MUC7: variants seen among roughly 807,000 people sequenced by gnomAD.
The protein encoded by MUC7 is mucin-7.
A neutral mutation model predicts 2.5 loss-of-function variants in MUC7; 2 were observed. The observed-to-expected ratio is 0.81, with a 90% CI of 0.33 to 2.55. MUC7 has a LOEUF of 2.55. MUC7 is among the 30% of genes most tolerant of loss of function. The pLI is 0.11. For missense variants in MUC7, 408 were observed against 455.6 expected (o/e 0.90, Z 0.95); for synonymous variants, 133 against 173.4 (o/e 0.77, Z 1.83).
intron 2 of MUC7, among the ~76,000 whole-genome samples, chr4:70,479,464 C>T (rs1432852222): frequency 5.9e-5 from 9 of 152,142 alleles, no homozygotes. Flanking sequence ...TTATAACTTG[C>T]GACTGGAATG....
Position 70,461,939 on chromosome 4 carries a change from T to C in MUC7, c.-92-10276T>C, listed in dbSNP as rs187883423. 1.1e-3 allele frequency among the ~76,000 whole-genome samples: 170 copies of C among 152,278 alleles called. 3 individuals are homozygous for C. The highest frequency in any genetic ancestry group is 3.7e-3 in the African/African-American group (152 of 41,568). ...AAAGGTTGACAAGCTGGGCCGACCATAGTGGCCCATGCCAGTAACACCAGC... is the reference window on the plus strand; with the variant it reads ...AAAGGTTGACAAGCTGGGCCGACCACAGTGGCCCATGCCAGTAACACCAGC... On this transcript the variant is annotated intron_variant, in intron 1 of 3. Coordinates refer to the MUC7 transcript ENST00000413702.
chr4:70,443,407 A>G (rs751418970), intron 1 of MUC7, among the ~76,000 whole-genome samples: 2 of 151,886 alleles, frequency 1.3e-5, no homozygotes, highest in Non-Finnish European at 2.9e-5. Context: ...CAGTAACTCA[A>G]CCCCCTAACA....
intron 2 of MUC7, among the ~76,000 whole-genome samples, chr4:70,475,183 A>G (rs13107619): frequency 0.27 from 41,730 of 151,816 alleles, 6,075 homozygotes; most frequent in South Asian, 0.39. Flanking sequence ...GGAGGCTGAG[A>G]CAGGAGAATT....
At chr4:70,476,637 A>G (rs1029832851) in intron 2 of MUC7, among the ~76,000 whole-genome samples, 3 of 152,156 alleles carry the variant, frequency 2.0e-5, no homozygotes, top group African/African-American at 7.2e-5. Context: ...AAATACAAAA[A>G]TTAGCTGGGC....
intron 2 of MUC7, among the ~76,000 whole-genome samples, chr4:70,476,251 T>C (rs1734997127): frequency 1.3e-5 from 2 of 152,180 alleles, no homozygotes; most frequent in Non-Finnish European, 2.9e-5. Flanking sequence ...TGTTAACTTT[T>C]TAATAAGTAA....
intron 1 of MUC7, among the ~76,000 whole-genome samples, chr4:70,448,519 T>C (rs1008260366): frequency 2.6e-5 from 4 of 152,228 alleles, no homozygotes; most frequent in African/African-American, 9.6e-5. Context: ...TCTCTGAAGA[T>C]CAGTGATGTT....
intron 1 of MUC7, among the ~76,000 whole-genome samples, chr4:70,459,126 A>G (rs997735025): frequency 2.6e-5 from 4 of 152,242 alleles, no homozygotes; most frequent in African/African-American, 9.6e-5. Flanking sequence ...ATGACAAAAA[A>G]TAAGGATACA....
At chr4:70,442,388 C>G (rs1314990801) in intron 1 of MUC7, among the ~76,000 whole-genome samples, 1 of 152,210 alleles carries the variant, frequency 6.6e-6, no homozygotes, top group East Asian at 1.9e-4. Flanking sequence ...GTCTTGGCCC[C>G]TGGCCTGCAG....
chr4:70,433,727 G>T (rs1178060832), intron 1 of MUC7, among the ~76,000 whole-genome samples: 1 of 152,098 alleles, frequency 6.6e-6, no homozygotes, highest in East Asian at 1.9e-4. Context: ...TCTTTCTCTT[G>T]CCTGATTGTC....
Position 70,446,047 on chromosome 4 carries a change from T to C in MUC7, c.-93+15360T>C, listed in dbSNP as rs964889220. 2.0e-5 allele frequency among the ~76,000 whole-genome samples: 3 copies of C among 152,286 alleles called. No individual in the cohort carries two copies. The South Asian group carries it at 6.2e-4, about 32-fold the overall frequency. ...GAAGATGCCCAAGCACAGGGGCTGA[T>C]GGGACTCTAAGAGATCTGGGAGGAA... is the stretch of plus-strand genomic sequence containing the variant. On this transcript the variant is annotated intron_variant, in intron 1 of 3. Transcript: ENST00000413702.
chr4:70,437,219 C>A (rs1733867481), intron 1 of MUC7, among the ~76,000 whole-genome samples: 1 of 152,200 alleles, frequency 6.6e-6, no homozygotes, highest in African/African-American at 2.4e-5. Flanking sequence ...GCTGGAAGAA[C>A]CACTGCTCTC....
chr4:70,472,157 G>A (rs945516046), upstream of MUC7: 4 of 152,058 alleles, frequency 2.6e-5, no homozygotes, highest in African/African-American at 4.8e-5. Flanking sequence ...CAAAAAGCTC[G>A]ACTGGAGTGT....
rs1734599577 is a variant in MUC7 at position 70,463,185 on chromosome 4, T to C, written c.-92-9030T>C. Among the ~76,000 whole-genome samples the C allele has an allele frequency of 4.9e-5, 7 of 143,254 alleles. No individual in the cohort carries two copies. The Admixed American group carries it at 5.2e-4, about 11-fold the overall frequency. The allele number at this position is 143,254 out of a possible 152,430, so 94.0% of individuals were successfully genotyped here. On this transcript the variant is annotated intron_variant, in intron 1 of 3. Coordinates refer to the MUC7 transcript ENST00000413702. ...TCACAACTTTAGTAATACCAGAAGA[T>C]ACACTTCAAACCACAAAAAAAAATC...
upstream of MUC7, among the ~76,000 whole-genome samples, chr4:70,468,287 C>G (rs563647258): frequency 6.6e-6 from 1 of 152,242 alleles, no homozygotes; most frequent in African/African-American, 2.4e-5. Flanking sequence ...ATGACAAACC[C>G]ACAGCCAATA....
intron 1 of MUC7, among the ~76,000 whole-genome samples, chr4:70,444,949 G>T (rs1267025810): frequency 1.3e-5 from 2 of 152,174 alleles, no homozygotes; most frequent in African/African-American, 4.8e-5. Context: ...CTACTTGGGA[G>T]GCTGAGGCAA....
chr4:70,439,005 G>A (rs1577898222), intron 1 of MUC7, among the ~76,000 whole-genome samples: 1 of 152,122 alleles, frequency 6.6e-6, no homozygotes. Flanking sequence ...CTCTCACTGA[G>A]CCTAGTTTCA....
rs537848358 is a variant in MUC7 at position 70,439,744 on chromosome 4, G to GA, written c.-93+9061dup. Reference sequence around the variant, plus strand: ...CAATCAAATAAGACTGTTTAGAAGTGAAAATTTAAAAGCACTATATGAATG... The same window carrying GA: ...CAATCAAATAAGACTGTTTAGAAGTGAAAAATTTAAAAGCACTATATGAATG... On this transcript the variant is annotated intron_variant, in intron 1 of 3. Coordinates refer to the MUC7 transcript ENST00000413702. Among the ~76,000 whole-genome samples the GA allele has an allele frequency of 5.0e-4, 76 of 152,074 alleles. 2 individuals carry two copies. The South Asian group carries it at 0.016, about 31-fold the overall frequency.
chr4:70,466,194 C>T (rs1375498490), intron 1 of MUC7, among the ~76,000 whole-genome samples: 1 of 152,158 alleles, frequency 6.6e-6, no homozygotes, highest in Non-Finnish European at 1.5e-5. Flanking sequence ...AAATCCTTTA[C>T]AGACAAGCAA....
intron 1 of MUC7, among the ~76,000 whole-genome samples, chr4:70,457,073 G>A (rs557451078): frequency 6.6e-6 from 1 of 152,242 alleles, no homozygotes; most frequent in Admixed American, 6.5e-5. Context: ...CCTGGGAAGT[G>A]GTAATTAAGG....
Sources: gnomAD v4.1 joint callset for allele counts (sites outside exome capture counted in the v4.1 genomes callset) on GRCh38, gnomAD v4.1.1 for gene constraint, MANE v1.5 for transcripts, NCBI Gene and HGNC (gene_info 2026-07-23, HGNC 2026-07-21) for gene names.